Variants in KYNU observed in about 807,000 individuals in gnomAD.
KYNU encodes L-kynurenine hydrolase.
A neutral mutation model predicts 59.2 loss-of-function variants in KYNU; 54 were observed. The ratio of observed to expected loss-of-function variants is 0.91; its 90% CI spans 0.73 to 1.14. KYNU has a LOEUF of 1.14. Ranked by LOEUF, KYNU falls within the 50% of genes most tolerant of loss-of-function variation. KYNU has a pLI of 0.00. For missense variants in KYNU, 567 were observed against 554.4 expected, an observed-to-expected ratio of 1.02 and a Z score of -0.23; for synonymous variants, 177 against 192.0, an observed-to-expected ratio of 0.92 and a Z score of 0.65.
In KYNU at chr2:142,946,157, C is replaced by A. The variant is rs570538537; in HGVS notation, c.374-8653C>A. ...GGAATACAGTGGTGCAATCAGCTCA[C>A]TACAGCCTTGATTTCCTGGGCTCTG... On this transcript the variant is annotated intron_variant, in intron 4 of 13. Transcript: ENST00000264170. Among the ~76,000 whole-genome samples, 76 of 152,236 alleles carry A rather than the reference C, an allele frequency of 5.0e-4. 1 individual carries two copies. The highest frequency in any genetic ancestry group is 6.8e-4 in the Non-Finnish European group (46 of 68,008).
At chr2:143,028,848 C>CAAACAAAACA (rs113934733) in intron 10 of KYNU, among the ~76,000 whole-genome samples, 15,300 of 149,772 alleles carry the variant, frequency 0.1, 857 homozygotes, top group East Asian at 0.22. Flanking sequence ...AACTCTGTCT[C>CAAACAAAACA]AAACAAAACA....
At chr2:142,919,014 G>A (rs1408909892) in intron 3 of KYNU, among the ~76,000 whole-genome samples, 1 of 152,220 alleles carries the variant, frequency 6.6e-6, no homozygotes, top group Non-Finnish European at 1.5e-5. Flanking sequence ...TAAATGTCAT[G>A]TAAATAGCTG....
intron 1 of KYNU, among the ~76,000 whole-genome samples, chr2:142,879,232 T>C (rs1681207302): frequency 6.6e-6 from 1 of 152,176 alleles, no homozygotes; most frequent in South Asian, 2.1e-4. Context: ...CACTATGCTA[T>C]TCTGGGAACT....
At chr2:142,960,551 A>T (rs1029519458) in intron 7 of KYNU, 73 bp from the exon 8 acceptor site, 6 of 1,438,834 alleles carry the variant, frequency 4.2e-6, no homozygotes, top group Non-Finnish European at 5.8e-6. Context: ...TCACGGTGAA[A>T]TTTAGATCGG....
intron 12 of KYNU, among the ~76,000 whole-genome samples, chr2:143,039,811 A>C (rs1006227189): frequency 6.6e-6 from 1 of 152,150 alleles, no homozygotes; most frequent in South Asian, 2.1e-4. Context: ...AAATGGGTCC[A>C]GGTGCTGGAG....
At chr2:142,894,841 C>T (rs1681817361) in intron 2 of KYNU, among the ~76,000 whole-genome samples, 1 of 152,080 alleles carries the variant, frequency 6.6e-6, no homozygotes, top group Admixed American at 6.5e-5. Context: ...GTATATGGCT[C>T]ACCCCTGTAA....
intron 10 of KYNU, among the ~76,000 whole-genome samples, chr2:143,004,409 A>T (rs972400601): frequency 6.6e-6 from 1 of 152,184 alleles, no homozygotes; most frequent in Non-Finnish European, 1.5e-5. Flanking sequence ...AAGCTGCTAG[A>T]GGAAATAAAA....
intron 12 of KYNU, among the ~76,000 whole-genome samples, chr2:143,039,810 C>T (rs1478183046): frequency 1.3e-5 from 2 of 152,066 alleles, no homozygotes; most frequent in Admixed American, 1.3e-4. Flanking sequence ...TAAATGGGTC[C>T]AGGTGCTGGA....
chr2:143,047,737 T>C lies in KYNU; in HGVS notation c.*5565T>C, dbSNP rs1687189504. 1 of 152,014 alleles carries C rather than the reference T, an allele frequency of 6.6e-6. No individual in the cohort carries two copies. Among genetic ancestry groups the C allele is most frequent in the South Asian group, 2.1e-4 (1 of 4,814 alleles). The allele number at this position is 152,014 out of a possible 1,614,324, so 9.4% of individuals were successfully genotyped here. On this transcript the variant is annotated 3_prime_UTR_variant, in exon 14 of 14. Coordinates refer to ENST00000264170, the MANE Select transcript of KYNU (RefSeq NM_003937.3). ...CCAAGCTAATTTTTAAAAATAATTT[T>C]TTTTGTAGATTCAGAGTCTTGCTAT...
Position 142,956,183 on chromosome 2 carries a change from A to G in KYNU, c.436-20A>G. On this transcript the variant is annotated intron_variant, in intron 5 of 13. Coordinates refer to ENST00000264170, the MANE Select transcript of KYNU (RefSeq NM_003937.3). ...TAAATTGTGTATTAATGCTTTCTCA[A>G]TAAATCCATTTTATTGCAGTTATCA... 1 of 1,386,140 alleles carries G rather than the reference A, an allele frequency of 7.2e-7. No individual in the cohort carries two copies. 85.9% of individuals were successfully genotyped at this position (1,386,140 alleles called of 1,614,324 possible). A position where few individuals can be genotyped will look rare whatever the true frequency, so the allele number is the denominator to read the frequency against.
Position 143,049,265 on chromosome 2 carries a change from A to T in KYNU, c.*7093A>T, listed in dbSNP as rs1253092671. The T allele has an allele frequency of 6.6e-6, 1 of 152,088 alleles. No homozygotes were observed. The highest frequency in any genetic ancestry group is 1.5e-5 in the Non-Finnish European group (1 of 68,018). 9.4% of individuals were successfully genotyped at this position (152,088 alleles called of 1,614,324 possible). Reference sequence around the variant, plus strand: ...AAAGTTTCATTAGATTTCTGTTCAAAATTCCTTCCATTTGTGATCTTTCGA... The same window carrying T: ...AAAGTTTCATTAGATTTCTGTTCAATATTCCTTCCATTTGTGATCTTTCGA... On this transcript the variant is annotated 3_prime_UTR_variant, in exon 14 of 14. Coordinates refer to ENST00000264170, the MANE Select transcript of KYNU (RefSeq NM_003937.3).
At chr2:142,943,587 A>T (rs971529943) in intron 4 of KYNU, among the ~76,000 whole-genome samples, 2 of 152,184 alleles carry the variant, frequency 1.3e-5, no homozygotes, top group Admixed American at 1.3e-4. Context: ...AAATTGCTGA[A>T]GAATATTATT....
intron 3 of KYNU, among the ~76,000 whole-genome samples, chr2:142,925,467 T>G (rs1001488961): frequency 3.3e-5 from 5 of 152,212 alleles, no homozygotes; most frequent in Non-Finnish European, 7.3e-5. Context: ...AGATTTACAT[T>G]AGGAAAGAAG....
intron 12 of KYNU, among the ~76,000 whole-genome samples, chr2:143,039,305 T>C (rs1686970052): frequency 6.6e-6 from 1 of 152,168 alleles, no homozygotes; most frequent in Non-Finnish European, 1.5e-5. Flanking sequence ...AAAGCAGTTA[T>C]AAATATCACC....
chr2:142,964,934 A>G (rs368689471), intron 8 of KYNU, among the ~76,000 whole-genome samples: 9 of 152,258 alleles, frequency 5.9e-5, no homozygotes, highest in African/African-American at 1.4e-4. Context: ...GTGCCAACCC[A>G]TCTTTTTGGA....
intron 2 of KYNU, among the ~76,000 whole-genome samples, chr2:142,902,645 GCTGAGC>G (rs1298210889): frequency 6.6e-6 from 1 of 152,214 alleles, no homozygotes; most frequent in Admixed American, 6.5e-5. Context: ...TGTAAGCAGA[GCTGAGC>G]CTTTGGTTTG....
chr2:142,891,740 T>C (rs939685657), intron 2 of KYNU, among the ~76,000 whole-genome samples: 5 of 152,208 alleles, frequency 3.3e-5, no homozygotes, highest in Middle Eastern at 3.2e-3. Flanking sequence ...CTTTTCTCTA[T>C]AAACTAGAAT....
In KYNU at chr2:142,910,131, CTTT is replaced by C. The variant is rs368644903; in HGVS notation, c.170-8461_170-8459del. On this transcript the variant is annotated intron_variant, in intron 2 of 13. Coordinates refer to ENST00000264170, the MANE Select transcript of KYNU (RefSeq NM_003937.3). The stretch of plus-strand genomic sequence containing the variant: ...AGAAGTGTCTATTCATGTTCTTTGC[CTTT>C]TTTTTTTTTTTTTTTTCTTTGAGAC... 3.2e-3 allele frequency among the ~76,000 whole-genome samples: 340 copies of C among 105,466 alleles called. 4 individuals are homozygous for C. Among genetic ancestry groups the C allele is most frequent in the South Asian group, 0.011 (31 of 2,734 alleles). 69.2% of individuals were successfully genotyped at this position (105,466 alleles called of 152,430 possible).
In KYNU at chr2:143,050,602, A is replaced by G. The variant is rs773900920; in HGVS notation, c.*8430A>G. 6.6e-6 allele frequency: 1 copy of G among 152,176 alleles called. No individual in the cohort carries two copies. Among genetic ancestry groups the G allele is most frequent in the Non-Finnish European group, 1.5e-5 (1 of 68,028 alleles). The allele number at this position is 152,176 out of a possible 1,614,324, so 9.4% of individuals were successfully genotyped here. A position where few individuals can be genotyped will look rare whatever the true frequency, so the allele number is the denominator to read the frequency against. ...TGATCTTCTGGGGCTATTACAATAT[A>G]TAGGGCTGTTTTTTTAAAACTAATT... On this transcript the variant is annotated 3_prime_UTR_variant, in exon 14 of 14. Coordinates refer to ENST00000264170, the MANE Select transcript of KYNU (RefSeq NM_003937.3).
Sources: allele counts gnomAD v4.1 joint callset (sites outside exome capture counted in the v4.1 genomes callset), GRCh38; gene constraint gnomAD v4.1.1; transcripts MANE v1.5; gene names NCBI Gene and HGNC (gene_info 2026-07-23, HGNC 2026-07-21).